The following PPP1R12A variants were observed in gnomAD, a reference collection of about 807,000 sequenced individuals.
PPP1R12A encodes myosin binding subunit.
PPP1R12A carries 19 observed loss-of-function variants against 139.6 expected under a neutral mutation model. The ratio of observed to expected loss-of-function variants is 0.14; its 90% CI spans 0.09 to 0.20. The LOEUF (loss-of-function observed/expected upper bound fraction) is 0.20. PPP1R12A is among the 10% of genes least tolerant of loss of function. PPP1R12A has a pLI of 1.00. For missense variants in PPP1R12A, 925 were observed against 1,211.5 expected, an observed-to-expected ratio of 0.76 and a Z score of 3.51; for synonymous variants, 427 against 420.6, an observed-to-expected ratio of 1.02 and a Z score of -0.19.
At chr12:79,921,612 C>T (rs1017434152) in intron 1 of PPP1R12A, among the ~76,000 whole-genome samples, 2 of 152,118 alleles carry the variant, frequency 1.3e-5, no homozygotes, top group South Asian at 2.1e-4. Flanking sequence ...TTGTAATCAT[C>T]GGCTCATGCT....
intron 22 of PPP1R12A, 21 bp downstream of exon 22, chr12:79,786,353 C>T: frequency 7.0e-7 from 1 of 1,432,078 alleles, no homozygotes; most frequent in Non-Finnish European, 9.5e-7. Flanking sequence ...TTGAGAGTAA[C>T]AAAAAGAAAA....
Position 79,890,452 on chromosome 12 carries a change from C to G in PPP1R12A, c.238-17514G>C, listed in dbSNP as rs1018322258. Among the ~76,000 whole-genome samples, 8 of 152,066 alleles carry G rather than the reference C, an allele frequency of 5.3e-5. 1 individual carries two copies. The highest frequency in any genetic ancestry group is 5.2e-4 in the Admixed American group (8 of 15,248). ...AATATCCACTGAAATGTTTTCAGGC[C>G]TATCTTCTAAATCTTAAAGAAATCC... is the stretch of plus-strand genomic sequence containing the variant. On this transcript the variant is annotated intron_variant, in intron 1 of 24. Coordinates refer to ENST00000450142, the MANE Select transcript of PPP1R12A (RefSeq NM_002480.3).
At chr12:79,797,510 T>A in intron 15 of PPP1R12A, 115 bp from the exon 16 acceptor site, 1 of 1,038,374 alleles carries the variant, frequency 9.6e-7, no homozygotes, top group Non-Finnish European at 1.4e-6. Flanking sequence ...TATGCATGTT[T>A]AAAATTGGTT....
At chr12:79,781,985 A>T (rs1040425723) in intron 22 of PPP1R12A, 123 bp from the exon 23 acceptor site, 5 of 472,726 alleles carry the variant, frequency 1.1e-5, no homozygotes, top group Non-Finnish European at 1.9e-5. Context: ...CAGGTTCGTG[A>T]GTAAAGCAAA....
rs779254103 is a variant in PPP1R12A, at chr12:79,797,344, G to T, written c.2143C>A (p.Arg715Ser). ...TCTTGTTCTCTGGTTCGGGTAGAAC[G>T]ACTTCTTCCTATTGTTTTCTCAGCT... ...QEAEKTIGRS[R>S]STRTREQENE... The change falls in exon 16 of 25, where the codon CGT becomes AGT. Residue 715 changes from arginine to serine, a missense_variant. Transcript: ENST00000450142. 4.4e-6 allele frequency: 7 copies of T among 1,602,448 alleles called. No individual in the cohort carries two copies. The highest frequency in any genetic ancestry group is 6.0e-6 in the Non-Finnish European group (7 of 1,174,444).
intron 1 of PPP1R12A, among the ~76,000 whole-genome samples, chr12:79,912,518 C>G (rs1886656904): frequency 1.3e-5 from 2 of 151,478 alleles, no homozygotes; most frequent in South Asian, 4.2e-4. Context: ...ATAGCGAGAC[C>G]CCCAACTACA....
intron 5 of PPP1R12A, 96 bp from the exon 6 acceptor site, chr12:79,822,286 A>G (rs1293652436): frequency 7.1e-6 from 6 of 849,008 alleles, no homozygotes; most frequent in Admixed American, 2.6e-5. Context: ...AAGACGTTGG[A>G]TAACATTTTT....
chr12:79,853,250 G>A (rs1880265150), intron 2 of PPP1R12A, among the ~76,000 whole-genome samples: 1 of 152,146 alleles, frequency 6.6e-6, no homozygotes, highest in South Asian at 2.1e-4. Flanking sequence ...TTAAAAGACT[G>A]GGCTTTTGCT....
chr12:79,873,264 G>A (rs1379196532), intron 1 of PPP1R12A, among the ~76,000 whole-genome samples: 1 of 152,050 alleles, frequency 6.6e-6, no homozygotes, highest in African/African-American at 2.4e-5. Context: ...CAAAAATGTT[G>A]TCTGCTGGGG....
Position 79,839,294 on chromosome 12 carries a change from TG to T in PPP1R12A, c.487+6007del, listed in dbSNP as rs1228389844. 5.3e-5 allele frequency among the ~76,000 whole-genome samples: 8 copies of T among 152,318 alleles called. No homozygotes were observed. In the East Asian group the frequency reaches 1.5e-3, roughly 29 times the overall value. The stretch of plus-strand genomic sequence containing the variant: ...CACTGTGTCTAGGAAGTAATTAACT[TG>T]CTTTCAATTTTACAGGCTCACAGGC... On this transcript the variant is annotated intron_variant, in intron 3 of 24. Coordinates refer to ENST00000450142, the MANE Select transcript of PPP1R12A (RefSeq NM_002480.3).
intron 2 of PPP1R12A, among the ~76,000 whole-genome samples, chr12:79,851,538 A>G (rs994309182): frequency 6.6e-6 from 1 of 152,146 alleles, no homozygotes; most frequent in Non-Finnish European, 1.5e-5. Flanking sequence ...CCTCTGGTAT[A>G]GTTTCTAATT....
In PPP1R12A at chr12:79,775,089, A is replaced by G. The variant is rs1869587602; in HGVS notation, c.*840T>C. On this transcript the variant is annotated 3_prime_UTR_variant, in exon 25 of 25. Transcript: ENST00000450142. The stretch of plus-strand genomic sequence containing the variant: ...GTGGTGGTCTAAAAATCAAAACAAT[A>G]CACTTATTTGTATATACAGCATCAC... 2 of 152,456 alleles carry G rather than the reference A, an allele frequency of 1.3e-5. No individual in the cohort carries two copies. The highest frequency in any genetic ancestry group is 2.9e-5 in the Non-Finnish European group (2 of 67,940). The allele number at this position is 152,456 out of a possible 1,614,324, so 9.4% of individuals were successfully genotyped here. A position where few individuals can be genotyped will look rare whatever the true frequency, so the allele number is the denominator to read the frequency against.
Position 79,935,068 on chromosome 12 carries a change from C to G in PPP1R12A, c.-137G>C. On this transcript the variant is annotated 5_prime_UTR_variant, in exon 1 of 25. Coordinates refer to ENST00000450142, the MANE Select transcript of PPP1R12A (RefSeq NM_002480.3). ...GAGGGCTGGGAACCCGGAGCCGACG[C>G]TCGAGACTTCCAGTATCCCACAGAG... 3 of 1,408,474 alleles carry G rather than the reference C, an allele frequency of 2.1e-6. No homozygotes were observed. Among genetic ancestry groups the G allele is most frequent in the Non-Finnish European group, 2.8e-6 (3 of 1,083,840 alleles). 87.2% of individuals were successfully genotyped at this position (1,408,474 alleles called of 1,614,324 possible). A position where few individuals can be genotyped will look rare whatever the true frequency, so the allele number is the denominator to read the frequency against.
chr12:79,892,651 G>C (rs940002034), intron 1 of PPP1R12A, among the ~76,000 whole-genome samples: 1 of 152,086 alleles, frequency 6.6e-6, no homozygotes, highest in African/African-American at 2.4e-5. Flanking sequence ...GTCAAAAGGG[G>C]AAGTAATAGG....
chr12:79,782,153 CA>C (rs200803808), intron 22 of PPP1R12A: 45 of 209,384 alleles, frequency 2.1e-4, no homozygotes, highest in Middle Eastern at 1.8e-3. Context: ...GGAAGAAAAA[CA>C]AAAAAAAACT....
intron 5 of PPP1R12A, among the ~76,000 whole-genome samples, chr12:79,826,110 A>G (rs1178369183): frequency 6.6e-6 from 1 of 151,998 alleles, no homozygotes; most frequent in African/African-American, 2.4e-5. Flanking sequence ...TTGAAAAAGA[A>G]AAGATGAGGA....
At chr12:79,865,086 C>T (rs899087626) in intron 2 of PPP1R12A, among the ~76,000 whole-genome samples, 5 of 152,226 alleles carry the variant, frequency 3.3e-5, no homozygotes, top group Admixed American at 1.3e-4. Context: ...CCTGGCAAAC[C>T]GAATTCAGCA....
chr12:79,855,263 CATGTGTG>C (rs1329642216), intron 2 of PPP1R12A, among the ~76,000 whole-genome samples: 8 of 152,128 alleles, frequency 5.3e-5, no homozygotes, highest in Non-Finnish European at 1.2e-4. Context: ...GCTGGGATTA[CATGTGTG>C]AGCCACCGCG....
At chr12:79,828,642 CAGAAAA>C (rs1323420564) in intron 4 of PPP1R12A, among the ~76,000 whole-genome samples, 178 bp from the exon 5 acceptor site, 8 of 151,986 alleles carry the variant, frequency 5.3e-5, no homozygotes, top group Non-Finnish European at 1.0e-4. Flanking sequence ...AGAAAAAACT[CAGAAAA>C]AGAGGATCTT....
Sources: gnomAD v4.1 joint callset for allele counts (sites outside exome capture counted in the v4.1 genomes callset) on GRCh38, gnomAD v4.1.1 for gene constraint, MANE v1.5 for transcripts, NCBI Gene and HGNC (gene_info 2026-07-23, HGNC 2026-07-21) for gene names.